Variants in TNRC18 observed in about 807,000 individuals in gnomAD.
TNRC18 encodes the protein trinucleotide repeat containing 18, also known as trinucleotide repeat-containing gene 18 protein.
TNRC18 carries 69 observed loss-of-function variants against 226.7 expected under a neutral mutation model. The ratio of observed to expected loss-of-function variants is 0.30; its 90% confidence interval spans 0.25 to 0.37. The LOEUF is 0.37. Ranked by LOEUF, TNRC18 falls within the 10% of genes least tolerant of loss-of-function variation. The pLI, the probability that TNRC18 is intolerant of heterozygous loss-of-function variation, is 1.00. For missense variants in TNRC18, 4,754 were observed against 4,256.6 expected (o/e 1.12, Z -3.25); for synonymous variants, 2,449 against 1,927.6 (o/e 1.27, Z -7.09).
At chr7:5,359,357 C>A in intron 15 of TNRC18, 41 bp downstream of exon 15, 1 of 1,610,036 alleles carries the variant, frequency 6.2e-7, no homozygotes, top group Middle Eastern at 1.7e-4. Flanking sequence ...CCAGACACCT[C>A]CCTGAAAGAT....
intron 24 of TNRC18, among the ~76,000 whole-genome samples, chr7:5,318,193 T>C (rs1386592217): frequency 6.6e-6 from 1 of 151,966 alleles, no homozygotes; most frequent in African/African-American, 2.4e-5. Context: ...AATTTTTGTA[T>C]CTTTTTGTAG....
chr7:5,339,070 C>T (rs748273917), intron 18 of TNRC18, among the ~76,000 whole-genome samples: 2 of 151,654 alleles, frequency 1.3e-5, no homozygotes, highest in South Asian at 2.1e-4. Context: ...GGCCAATGAG[C>T]GCAGATCACT....
intron 1 of TNRC18, chr7:5,422,773 C>T (rs1168821900): frequency 6.6e-6 from 1 of 152,298 alleles, no homozygotes; most frequent in Non-Finnish European, 1.5e-5. Context: ...AACACCCCCT[C>T]CCTCCCTCTC....
At position 5,387,664 on chromosome 7, in the gene TNRC18, G is replaced by A. The variant is rs768539128; in HGVS notation, c.2152+8C>T. Reference sequence around the variant, plus strand: ...CCTACCCGCACCTGGGCTCTGCCCAGGACCTACCTTTGACGTTACTCAGCG... The same window carrying A: ...CCTACCCGCACCTGGGCTCTGCCCAAGACCTACCTTTGACGTTACTCAGCG... On this transcript the variant is annotated splice_region_variant and intron_variant, in intron 5 of 29. Coordinates refer to ENST00000430969, the MANE Select transcript of TNRC18 (RefSeq NM_001080495.3). The A allele has an allele frequency of 1.0e-5, 16 of 1,602,738 alleles. No individual in the cohort carries two copies. Among genetic ancestry groups the A allele is most frequent in the Non-Finnish European group, 1.4e-5 (16 of 1,179,824 alleles).
At chr7:5,392,595 G>A (rs765248674) in intron 3 of TNRC18, among the ~76,000 whole-genome samples, 16 of 152,078 alleles carry the variant, frequency 1.1e-4, no homozygotes, top group East Asian at 7.7e-4. Flanking sequence ...TAGCCTGGGC[G>A]ACAGAGCAAG....
At chr7:5,400,852 G>A (rs548365205) in intron 2 of TNRC18, among the ~76,000 whole-genome samples, 1 of 152,026 alleles carries the variant, frequency 6.6e-6, no homozygotes, top group Non-Finnish European at 1.5e-5. Context: ...GACCAGCCTG[G>A]GCTGATAGAG....
At position 5,389,461 on chromosome 7, in the gene TNRC18, G is replaced by GTTTTTTTTTTTTTTT. The variant is rs754143983; in HGVS notation, c.488-126_488-125insAAAAAAAAAAAAAAA. On this transcript the variant is annotated intron_variant, in intron 4 of 29. Transcript: ENST00000430969. ...TGCCTCCCCCAGTGTTTTGGTTTTG[G>GTTTTTTTTTTTTTTT]TTTTTTTTTTCAGAAAGAGTCTCGC... is the stretch of plus-strand genomic sequence containing the variant. 28 of 565,510 alleles carry GTTTTTTTTTTTTTTT rather than the reference G, an allele frequency of 5.0e-5. 1 individual carries two copies. The African/African-American group carries it at 5.7e-4, about 12-fold the overall frequency. 35.0% of individuals were successfully genotyped at this position (565,510 alleles called of 1,614,324 possible). A position where few individuals can be genotyped will look rare whatever the true frequency, so the allele number is the denominator to read the frequency against.
chr7:5,388,386 GGGGCGCACGCTCGCA>G lies in TNRC18; in HGVS notation c.1423_1437del (p.Cys475_Pro479del). ...TGGGCTGCAGGACCGGCTGGGCCGCGGGGCGCACGCTCGCAGGGCCTCGGGTCCGCCTCGGGCTTG... is the reference window on the plus strand; with the variant it reads ...TGGGCTGCAGGACCGGCTGGGCCGCGGGGCCTCGGGTCCGCCTCGGGCTTG... On this transcript the variant is annotated inframe_deletion, in exon 5 of 30. Coordinates refer to ENST00000430969, the MANE Select transcript of TNRC18 (RefSeq NM_001080495.3). The G allele has an allele frequency of 6.6e-7, 1 of 1,525,536 alleles. No homozygotes were observed. The highest frequency in any genetic ancestry group is 8.8e-7 in the Non-Finnish European group (1 of 1,142,784). The allele number at this position is 1,525,536 out of a possible 1,614,324, so 94.5% of individuals were successfully genotyped here. A position where few individuals can be genotyped will look rare whatever the true frequency, so the allele number is the denominator to read the frequency against.
intron 27 of TNRC18, among the ~76,000 whole-genome samples, chr7:5,310,724 A>G (rs1161387806): frequency 2.0e-5 from 3 of 152,242 alleles, no homozygotes; most frequent in Non-Finnish European, 4.4e-5. Flanking sequence ...ACTCCATTCT[A>G]GAGCAGCTTT....
chr7:5,375,588 C>T (rs1008408035), intron 9 of TNRC18, among the ~76,000 whole-genome samples: 5 of 152,260 alleles, frequency 3.3e-5, no homozygotes, highest in East Asian at 1.9e-4. Flanking sequence ...AGAGCAGACC[C>T]TTTGTGTCCC....
intron 2 of TNRC18, chr7:5,420,619 G>A (rs75693361): frequency 0.032 from 14,582 of 458,962 alleles, 308 homozygotes; most frequent in African/African-American, 0.043. Flanking sequence ...TGGTGGAGCT[G>A]GGAACAGAAC....
At chr7:5,356,390 G>A (rs1279648220) in intron 16 of TNRC18, among the ~76,000 whole-genome samples, 1 of 152,100 alleles carries the variant, frequency 6.6e-6, no homozygotes, top group African/African-American at 2.4e-5. Context: ...ATGAACCCCT[G>A]CATCCATAGC....
intron 15 of TNRC18, among the ~76,000 whole-genome samples, chr7:5,358,741 G>A (rs952338871): frequency 6.6e-6 from 1 of 152,208 alleles, no homozygotes. Context: ...TTGAACCTGG[G>A]AGGCGGATGT....
Position 5,389,366 on chromosome 7 carries a change from C to T in TNRC18, c.488-30G>A, listed in dbSNP as rs997429692. Reference sequence around the variant, plus strand: ...GGAGAAGGGAACAGCAGGCAGTGAGCGAGCGCCACCTCCCCTCCCACCCCT... The same window carrying T: ...GGAGAAGGGAACAGCAGGCAGTGAGTGAGCGCCACCTCCCCTCCCACCCCT... On this transcript the variant is annotated intron_variant, in intron 4 of 29. Transcript: ENST00000430969. 6.4e-6 allele frequency: 8 copies of T among 1,242,006 alleles called. No homozygotes were observed. In the African/African-American group the frequency reaches 9.3e-5, roughly 15 times the overall value. The allele number at this position is 1,242,006 out of a possible 1,614,324, so 76.9% of individuals were successfully genotyped here.
intron 2 of TNRC18, among the ~76,000 whole-genome samples, chr7:5,414,525 G>A (rs1209708694): frequency 2.0e-5 from 3 of 151,748 alleles, no homozygotes; most frequent in Non-Finnish European, 4.4e-5. Flanking sequence ...CCATTCTCCT[G>A]CCTCAGCCTC....
chr7:5,349,092 G>C (rs879372695), intron 17 of TNRC18, among the ~76,000 whole-genome samples: 1 of 152,192 alleles, frequency 6.6e-6, no homozygotes, highest in Non-Finnish European at 1.5e-5. Flanking sequence ...GGCTGCGGGG[G>C]GAGGGCGAGC....
chr7:5,317,155 T>C (rs1182379776), intron 24 of TNRC18, among the ~76,000 whole-genome samples: 1 of 152,062 alleles, frequency 6.6e-6, no homozygotes, highest in Non-Finnish European at 1.5e-5. Flanking sequence ...CAAACACTCA[T>C]GAGTGCACAG....
rs562570021 is a variant in TNRC18 at position 5,326,941 on chromosome 7, G to A, written c.6148-1693C>T. ...AGATCGAGACCATCCTGGCTAACAC[G>A]GTGAAACCCCATCTCTACTAAAAAT... On this transcript the variant is annotated intron_variant, in intron 19 of 29. Coordinates refer to ENST00000430969, the MANE Select transcript of TNRC18 (RefSeq NM_001080495.3). Among the ~76,000 whole-genome samples, 6 of 151,404 alleles carry A rather than the reference G, an allele frequency of 4.0e-5. 2 individuals carry two copies. The highest frequency in any genetic ancestry group is 1.5e-4 in the African/African-American group (6 of 41,248).
intron 18 of TNRC18, among the ~76,000 whole-genome samples, chr7:5,336,076 A>G (rs149749968): frequency 0.023 from 3,526 of 152,058 alleles, 129 homozygotes; most frequent in African/African-American, 0.075. Flanking sequence ...GCGTGGTGGC[A>G]TGCATCTGTA....
Sources: gnomAD v4.1 joint callset for allele counts (sites outside exome capture counted in the v4.1 genomes callset) on GRCh38, gnomAD v4.1.1 for gene constraint, MANE v1.5 for transcripts, NCBI Gene and HGNC (gene_info 2026-07-23, HGNC 2026-07-21) for gene names.